The following RBFOX1 variants were observed in gnomAD, a reference collection of about 807,000 sequenced individuals.
RBFOX1 encodes the protein RNA binding fox-1 homolog 1.
Under a neutral mutation model 57.7 loss-of-function variants are expected in RBFOX1, and 8 were observed. The ratio of observed to expected loss-of-function variants is 0.14; its 90% CI spans 0.08 to 0.25. The LOEUF is 0.25. Among genes scored for constraint, RBFOX1 ranks in the 10% least tolerant of loss-of-function variants. RBFOX1 has a pLI of 1.00. For missense variants in RBFOX1, 611 were observed against 548.5 expected (o/e 1.11, Z -1.14); for synonymous variants, 326 against 222.4 (o/e 1.47, Z -4.15).
At chr16:6,048,804 A>G (rs1471756530) in intron 1 of RBFOX1, among the ~76,000 whole-genome samples, 4 of 152,174 alleles carry the variant, frequency 2.6e-5, no homozygotes, top group Admixed American at 6.5e-5. Flanking sequence ...TAATTCATGT[A>G]CTTTAAAGAC....
chr16:7,060,136 C>T (rs1375380813), intron 4 of RBFOX1, among the ~76,000 whole-genome samples: 1 of 152,086 alleles, frequency 6.6e-6, no homozygotes, highest in African/African-American at 2.4e-5. Flanking sequence ...TGAAAAAAGC[C>T]AGATTGTGAC....
At chr16:5,640,500 A>T (rs920363234) in intron 3 of RBFOX1, among the ~76,000 whole-genome samples, 3 of 151,418 alleles carry the variant, frequency 2.0e-5, no homozygotes, top group Non-Finnish European at 4.4e-5. Flanking sequence ...TATGCACACC[A>T]TGCATATACA....
At chr16:5,325,356 C>G (rs936702094) in intron 1 of RBFOX1, among the ~76,000 whole-genome samples, 6 of 152,176 alleles carry the variant, frequency 3.9e-5, no homozygotes, top group African/African-American at 1.2e-4. Context: ...TTTTCTTTGA[C>G]AAGATCCTAT....
chr16:7,606,185 G>T (rs1402528024), intron 9 of RBFOX1, among the ~76,000 whole-genome samples: 2 of 142,578 alleles, frequency 1.4e-5, no homozygotes, highest in African/African-American at 2.6e-5. Flanking sequence ...GCAATGGCGT[G>T]ATCTCAGCTC....
intron 4 of RBFOX1, among the ~76,000 whole-genome samples, chr16:7,509,530 A>G (rs1405574911): frequency 1.3e-5 from 2 of 152,224 alleles, no homozygotes; most frequent in South Asian, 2.1e-4. Flanking sequence ...CATTAAACAG[A>G]AGCAAAAACT....
intron 4 of RBFOX1, among the ~76,000 whole-genome samples, chr16:7,172,484 C>G (rs943908125): frequency 6.6e-6 from 1 of 152,202 alleles, no homozygotes; most frequent in Admixed American, 6.5e-5. Context: ...TGATCCCCAG[C>G]CTTTTATCAG....
intron 4 of RBFOX1, among the ~76,000 whole-genome samples, chr16:7,383,575 A>G (rs2097822665): frequency 6.6e-6 from 1 of 152,076 alleles, no homozygotes; most frequent in African/African-American, 2.4e-5. Flanking sequence ...CCTCCTTATT[A>G]TCCATTTCCC....
At chr16:5,901,630 A>C (rs1355479325) in intron 4 of RBFOX1, among the ~76,000 whole-genome samples, 2 of 152,196 alleles carry the variant, frequency 1.3e-5, no homozygotes, top group Non-Finnish European at 2.9e-5. Context: ...ATGGAGCTCA[A>C]GGCTGCCATA....
intron 2 of RBFOX1, among the ~76,000 whole-genome samples, chr16:6,478,429 A>ATATT (rs1159954387): frequency 3.3e-4 from 8 of 24,612 alleles, no homozygotes; most frequent in Admixed American, 6.1e-4. Flanking sequence ...ATATATATAT[A>ATATT]TTTTTTTTTT....
intron 4 of RBFOX1, among the ~76,000 whole-genome samples, chr16:7,357,502 C>G (rs879631399): frequency 2.6e-5 from 4 of 152,134 alleles, no homozygotes; most frequent in Admixed American, 6.5e-5. Flanking sequence ...GTCCTGCTTA[C>G]TGCTGTTTGA....
intron 1 of RBFOX1, among the ~76,000 whole-genome samples, chr16:5,403,459 T>G (rs2066775386): frequency 6.6e-6 from 1 of 152,168 alleles, no homozygotes; most frequent in Non-Finnish European, 1.5e-5. Flanking sequence ...CTGTTTGTTT[T>G]TTGAGACGGA....
intron 4 of RBFOX1, among the ~76,000 whole-genome samples, chr16:7,125,630 T>C (rs992816110): frequency 2.0e-5 from 3 of 152,176 alleles, no homozygotes; most frequent in Non-Finnish European, 2.9e-5. Context: ...AAGATGGATA[T>C]CGTTAACTCT....
chr16:6,900,051 G>T (rs996696128), intron 3 of RBFOX1, among the ~76,000 whole-genome samples: 3 of 152,100 alleles, frequency 2.0e-5, no homozygotes, highest in Non-Finnish European at 4.4e-5. Context: ...GTTGTCGGGA[G>T]GATTAAATGA....
At chr16:7,173,521 T>A (rs2081107684) in intron 4 of RBFOX1, among the ~76,000 whole-genome samples, 2 of 152,196 alleles carry the variant, frequency 1.3e-5, no homozygotes, top group African/African-American at 2.4e-5. Flanking sequence ...AGTCATTTTG[T>A]CTCATTCCTT....
At chr16:5,493,489 C>T (rs973139104) in intron 2 of RBFOX1, among the ~76,000 whole-genome samples, 2 of 152,204 alleles carry the variant, frequency 1.3e-5, no homozygotes, top group African/African-American at 4.8e-5. Context: ...CACGTTGAAG[C>T]AAAAAGTACC....
intron 3 of RBFOX1, among the ~76,000 whole-genome samples, chr16:6,674,161 C>T (rs924490349): frequency 6.6e-6 from 1 of 152,090 alleles, no homozygotes; most frequent in African/African-American, 2.4e-5. Context: ...ATAGAGTCCT[C>T]CAGAAAAGAT....
chr16:6,001,533 C>T (rs1244462950), intron 4 of RBFOX1, among the ~76,000 whole-genome samples: 1 of 152,122 alleles, frequency 6.6e-6, no homozygotes, highest in East Asian at 1.9e-4. Flanking sequence ...AGAGTCCATG[C>T]TTTTAACAAT....
At chr16:7,327,851 GATC>G (rs2096631775) in intron 4 of RBFOX1, among the ~76,000 whole-genome samples, 1 of 151,266 alleles carries the variant, frequency 6.6e-6, no homozygotes, top group Non-Finnish European at 1.5e-5. Flanking sequence ...TCATTATCAT[GATC>G]ATCATCATCC....
chr16:6,073,423 A>G (rs922027580), intron 1 of RBFOX1, among the ~76,000 whole-genome samples: 1 of 152,154 alleles, frequency 6.6e-6, no homozygotes, highest in African/African-American at 2.4e-5. Flanking sequence ...AGTTCAATCT[A>G]ATGTGGCATT....
Sources: gnomAD v4.1 joint callset for allele counts (sites outside exome capture counted in the v4.1 genomes callset) on GRCh38, gnomAD v4.1.1 for gene constraint, MANE v1.5 for transcripts, NCBI Gene and HGNC (gene_info 2026-07-23, HGNC 2026-07-21) for gene names.